TMOD3: variants seen among roughly 807,000 people sequenced by gnomAD.
TMOD3 encodes the protein tropomodulin 3.
TMOD3 carries 20 observed loss-of-function variants against 39.2 expected under a neutral mutation model. The observed-to-expected ratio is 0.51, with a 90% CI of 0.36 to 0.74. The LOEUF (loss-of-function observed/expected upper bound fraction) is 0.74. Among genes scored for constraint, TMOD3 ranks in the 30% least tolerant of loss-of-function variants. The pLI, the probability that TMOD3 is intolerant of heterozygous loss-of-function variation, is 0.00. For missense variants in TMOD3, 381 were observed against 412.8 expected, an observed-to-expected ratio of 0.92 and a Z score of 0.67; for synonymous variants, 143 against 145.8, an observed-to-expected ratio of 0.98 and a Z score of 0.14.
chr15:51,902,509 T>C (rs1042378780), intron 9 of TMOD3, among the ~76,000 whole-genome samples: 10 of 152,146 alleles, frequency 6.6e-5, no homozygotes, highest in Non-Finnish European at 1.2e-4. Flanking sequence ...CCTCGCTGTG[T>C]TGCGAGGCAG....
intron 1 of TMOD3, among the ~76,000 whole-genome samples, chr15:51,840,526 T>C (rs546869233): frequency 1.3e-4 from 20 of 152,338 alleles, no homozygotes; most frequent in Non-Finnish European, 2.9e-4. Context: ...ATTTTACGGA[T>C]GAGAAAACAG....
chr15:51,855,187 T>C (rs571673528), intron 1 of TMOD3, among the ~76,000 whole-genome samples: 2 of 152,334 alleles, frequency 1.3e-5, no homozygotes, highest in East Asian at 1.9e-4. Flanking sequence ...TGCCACACAG[T>C]ATGAGATGTA....
chr15:51,904,140 T>C (rs1358909833), intron 9 of TMOD3, among the ~76,000 whole-genome samples: 1 of 152,242 alleles, frequency 6.6e-6, no homozygotes, highest in Non-Finnish European at 1.5e-5. Flanking sequence ...GTTTCTCCAG[T>C]ATTGAGTGGA....
chr15:51,866,176 C>T (rs552343201), intron 2 of TMOD3, among the ~76,000 whole-genome samples: 6 of 152,094 alleles, frequency 3.9e-5, no homozygotes, highest in East Asian at 3.9e-4. Context: ...TGTTTTTGGC[C>T]GGGTATAGTG....
intron 1 of TMOD3, among the ~76,000 whole-genome samples, chr15:51,854,614 T>C (rs373221389): frequency 6.6e-6 from 1 of 152,202 alleles, no homozygotes; most frequent in East Asian, 1.9e-4. Context: ...AAGTGGAAAT[T>C]GGTTGAACAG....
Position 51,908,268 on chromosome 15 carries a change from C to G in TMOD3, c.1025-508C>G, listed in dbSNP as rs1194198241. On this transcript the variant is annotated intron_variant, in intron 9 of 9. Coordinates refer to ENST00000308580, the MANE Select transcript of TMOD3 (RefSeq NM_014547.5). ...CTGTTTTTTAAAACCTGAGTATGTA[C>G]TTTTTCAGTAAACAAATGACTTGGG... Among the ~76,000 whole-genome samples, 5 of 152,186 alleles carry G rather than the reference C, an allele frequency of 3.3e-5. No individual in the cohort carries two copies. The East Asian group carries it at 9.7e-4, about 29-fold the overall frequency.
chr15:51,837,080 A>G (rs1183832152), intron 1 of TMOD3, among the ~76,000 whole-genome samples: 1 of 151,942 alleles, frequency 6.6e-6, no homozygotes, highest in Non-Finnish European at 1.5e-5. Flanking sequence ...TGATATATAT[A>G]TATATAGACT....
Position 51,829,807 on chromosome 15 carries a change from A to C in TMOD3, c.-104A>C, listed in dbSNP as rs960775302. 6 of 152,274 alleles carry C rather than the reference A, an allele frequency of 3.9e-5. No individual in the cohort carries two copies. The highest frequency in any genetic ancestry group is 4.8e-5 in the African/African-American group (2 of 41,438). 9.4% of individuals were successfully genotyped at this position (152,274 alleles called of 1,614,324 possible). ...CGGCAGTTTCCGTGGGTCTGTGAAG[A>C]GGTCGGCGGCCCCTGCGGGCGCCAG... On this transcript the variant is annotated 5_prime_UTR_variant, in exon 1 of 10. Transcript: ENST00000308580.
rs781260952 is a variant in TMOD3, at chr15:51,901,925, A to G, written c.913A>G (p.Met305Val). The change falls in exon 9 of 10, where the codon ATG (methionine) becomes GTG (valine). Residue 305 changes from methionine to valine, a missense_variant. Physicochemically the swap from Met to Val is conservative, Grantham distance 21. Coordinates refer to ENST00000308580, the MANE Select transcript of TMOD3 (RefSeq NM_014547.5). ...QQLGTAVELE[M>V]AKMLEENTNI... is the part of the protein sequence containing the mutation. Reference sequence around the variant, plus strand: ...GTTGGGGACAGCTGTAGAATTGGAAATGGCCAAGATGCTTGAGGAAAATAC... The same window carrying G: ...GTTGGGGACAGCTGTAGAATTGGAAGTGGCCAAGATGCTTGAGGAAAATAC... 3 of 1,614,168 alleles carry G rather than the reference A, an allele frequency of 1.9e-6. No homozygotes were observed. The highest frequency in any genetic ancestry group is 1.3e-5 in the African/African-American group (1 of 75,050).
intron 2 of TMOD3, among the ~76,000 whole-genome samples, chr15:51,864,702 T>G (rs2056436282): frequency 6.6e-6 from 1 of 152,140 alleles, no homozygotes; most frequent in African/African-American, 2.4e-5. Context: ...AGTTTAGGAC[T>G]AGATGGTTTG....
At chr15:51,899,617 G>C (rs1216991311) in intron 7 of TMOD3, among the ~76,000 whole-genome samples, 2 of 150,852 alleles carry the variant, frequency 1.3e-5, no homozygotes, top group Admixed American at 6.6e-5. Context: ...AGTGAGCTGT[G>C]ATCCTGCCAC....
chr15:51,873,067 G>C (rs976907516), intron 3 of TMOD3, among the ~76,000 whole-genome samples: 3 of 152,160 alleles, frequency 2.0e-5, no homozygotes, highest in African/African-American at 7.2e-5. Context: ...CACCTCTAAT[G>C]TTCTGAAATC....
Position 51,908,773 on chromosome 15 carries a change from T to TA in TMOD3, c.1025-2dup. ...AACATAGTTTCTTTTATTTTTCTCA[T>TA]AGTGCGTAAGAGACGAGTTGAAGGA... On this transcript the variant is annotated splice_region_variant and splice_polypyrimidine_tract_variant and intron_variant, in intron 9 of 9. Transcript: ENST00000308580. The TA allele has an allele frequency of 6.3e-7, 1 of 1,596,062 alleles. No homozygotes were observed. Among genetic ancestry groups the TA allele is most frequent in the Non-Finnish European group, 8.5e-7 (1 of 1,173,150 alleles).
intron 2 of TMOD3, among the ~76,000 whole-genome samples, chr15:51,867,512 A>G (rs2056452958): frequency 6.6e-6 from 1 of 152,248 alleles, no homozygotes; most frequent in Admixed American, 6.5e-5. Context: ...AGGGTAACAC[A>G]GAAGTGAATT....
intron 5 of TMOD3, among the ~76,000 whole-genome samples, chr15:51,892,684 C>T (rs184851213): frequency 1.2e-4 from 19 of 152,332 alleles, no homozygotes; most frequent in Admixed American, 1.2e-3. Context: ...AATGTGCCCT[C>T]CCATCACCTT....
chr15:51,883,927 A>G (rs547660913), intron 3 of TMOD3, among the ~76,000 whole-genome samples: 1 of 152,342 alleles, frequency 6.6e-6, no homozygotes, highest in South Asian at 2.1e-4. Flanking sequence ...CTCAACCACT[A>G]TGAAAAGTAT....
intron 1 of TMOD3, among the ~76,000 whole-genome samples, 152 bp from the exon 2 acceptor site, chr15:51,862,659 G>A (rs769004550): frequency 6.6e-6 from 1 of 151,854 alleles, no homozygotes; most frequent in Non-Finnish European, 1.5e-5. Flanking sequence ...AAGGCAAAAG[G>A]CATTGAATGA....
intron 3 of TMOD3, among the ~76,000 whole-genome samples, chr15:51,875,792 GT>G (rs1199225601): frequency 5.9e-5 from 9 of 151,380 alleles, no homozygotes; most frequent in African/African-American, 2.2e-4. Context: ...ATTTTTTTTT[GT>G]ATTTTTAGTA....
chr15:51,836,248 A>G (rs190082862), intron 1 of TMOD3, among the ~76,000 whole-genome samples: 1 of 152,166 alleles, frequency 6.6e-6, no homozygotes, highest in Non-Finnish European at 1.5e-5. Flanking sequence ...GAACATTTTC[A>G]TCACACCAGA....
Sources: gnomAD v4.1 joint callset for allele counts (sites outside exome capture counted in the v4.1 genomes callset) on GRCh38, gnomAD v4.1.1 for gene constraint, MANE v1.5 for transcripts, NCBI Gene and HGNC (gene_info 2026-07-23, HGNC 2026-07-21) for gene names.